The following CCDC33 variants were observed in gnomAD, a reference collection of about 807,000 sequenced individuals.
CCDC33 encodes the protein coiled-coil domain-containing protein 33.
CCDC33 carries 94 observed loss-of-function variants against 91.9 expected under a neutral mutation model. The ratio of observed to expected loss-of-function variants is 1.02; its 90% confidence interval spans 0.87 to 1.21. The LOEUF is 1.21. Among genes scored for constraint, CCDC33 ranks in the 50% most tolerant of loss-of-function variants. The probability of loss-of-function intolerance (pLI) is 0.00; values close to 1 mark genes in which losing one functional copy is unlikely to be tolerated. For missense variants in CCDC33, 940 were observed against 935.5 expected, an observed-to-expected ratio of 1.00 and a Z score of -0.06; for synonymous variants, 396 against 374.5, an observed-to-expected ratio of 1.06 and a Z score of -0.66.
At chr15:74,225,190 G>T (rs1419316338) in intron 2 of CCDC33, among the ~76,000 whole-genome samples, 1 of 151,734 alleles carries the variant, frequency 6.6e-6, no homozygotes, top group East Asian at 1.9e-4. Context: ...TGGAGAGGAA[G>T]GGGTTGCCTG....
At chr15:74,209,433 C>G in exon 2 of CCDC33, 1 of 1,535,622 alleles carries the variant, frequency 6.5e-7, no homozygotes, top group Non-Finnish European at 8.7e-7. Flanking sequence ...ACCAGCTCGG[C>G]TCTTAATAAC....
intron 17 of CCDC33, among the ~76,000 whole-genome samples, chr15:74,334,353 ACCAGGGTCAGGGTTCAGTGTACAT>A (rs977778231): frequency 1.3e-5 from 2 of 149,722 alleles, no homozygotes; most frequent in African/African-American, 2.5e-5. Context: ...TCAGTGTGTG[ACCAGGGTCAGGGTTCAGTGTACAT>A]CCAGGGTCAG....
upstream of CCDC33, among the ~76,000 whole-genome samples, chr15:74,216,752 G>A (rs2074458683): frequency 6.7e-6 from 1 of 149,658 alleles, no homozygotes; most frequent in Non-Finnish European, 1.5e-5. Context: ...TCTTGAGAAA[G>A]AATAGGCATA....
At chr15:74,277,978 A>T (rs999140280) in intron 7 of CCDC33, among the ~76,000 whole-genome samples, 1 of 152,192 alleles carries the variant, frequency 6.6e-6, no homozygotes. Context: ...ACCCTCCTGC[A>T]CCCAGGAGAA....
intron 10 of CCDC33, among the ~76,000 whole-genome samples, chr15:74,294,005 A>T (rs1475817448): frequency 6.6e-6 from 1 of 152,248 alleles, no homozygotes; most frequent in African/African-American, 2.4e-5. Flanking sequence ...AAAGAATTTC[A>T]GTGGTAAAGT....
chr15:74,233,786 G>A (rs181782800), upstream of CCDC33, among the ~76,000 whole-genome samples: 8 of 152,314 alleles, frequency 5.3e-5, 1 homozygote, highest in African/African-American at 1.9e-4. Flanking sequence ...GAATAAGGAT[G>A]GGAACCAAAG....
At chr15:74,222,585 G>GA (rs1311674825) in intron 2 of CCDC33, among the ~76,000 whole-genome samples, 11 of 149,508 alleles carry the variant, frequency 7.4e-5, no homozygotes, top group Admixed American at 2.0e-4. Flanking sequence ...CCCCCAAGGG[G>GA]AAAAAAAGGA....
chr15:74,315,787 C>T (rs1211719271), intron 11 of CCDC33, among the ~76,000 whole-genome samples: 3 of 152,164 alleles, frequency 2.0e-5, no homozygotes, highest in African/African-American at 7.2e-5. Context: ...GGTTCTGAGG[C>T]CACAGGAAGT....
downstream of CCDC33, chr15:74,336,321 C>G (rs758838737): frequency 1.4e-6 from 2 of 1,390,070 alleles, no homozygotes; most frequent in Non-Finnish European, 1.9e-6. Context: ...AGAGAAGAGG[C>G]CTTCCAAAGC....
At chr15:74,326,272 C>A (rs1380242955) in intron 11 of CCDC33, among the ~76,000 whole-genome samples, 1 of 152,214 alleles carries the variant, frequency 6.6e-6, no homozygotes, top group East Asian at 1.9e-4. Flanking sequence ...TTGCAGTGAG[C>A]TATGATCATG....
chr15:74,330,100 G>T lies in CCDC33; in HGVS notation c.1291-89G>T, dbSNP rs2060396093. On this transcript the variant is annotated intron_variant, in intron 11 of 18. Coordinates refer to ENST00000398814, the MANE Select transcript of CCDC33 (RefSeq NM_025055.5). ...TCCTGGTGCTCACTGGCCTTGTGGG[G>T]GACCCACTGACTTTCAAGTGTAGAT... 7 of 1,446,748 alleles carry T rather than the reference G, an allele frequency of 4.8e-6. No homozygotes were observed. The South Asian group carries it at 1.0e-4, about 21-fold the overall frequency. The allele number at this position is 1,446,748 out of a possible 1,614,324, so 89.6% of individuals were successfully genotyped here.
chr15:74,283,948 C>CA (rs1196049128), intron 10 of CCDC33, among the ~76,000 whole-genome samples: 2 of 152,218 alleles, frequency 1.3e-5, no homozygotes, highest in Non-Finnish European at 2.9e-5. Flanking sequence ...CTCTCACATA[C>CA]ATGCAAACTG....
upstream of CCDC33, among the ~76,000 whole-genome samples, chr15:74,233,170 G>T (rs2075037891): frequency 6.6e-6 from 1 of 152,226 alleles, no homozygotes; most frequent in Non-Finnish European, 1.5e-5. Flanking sequence ...CTGGTCCACA[G>T]CAACACCTCC....
chr15:74,253,218 C>T (rs1278893989), intron 2 of CCDC33, among the ~76,000 whole-genome samples: 1 of 152,208 alleles, frequency 6.6e-6, no homozygotes, highest in Non-Finnish European at 1.5e-5. Flanking sequence ...CTGCTTACTC[C>T]TGAGCATGGG....
intron 11 of CCDC33, among the ~76,000 whole-genome samples, chr15:74,308,232 CTCACCACTAGCTTGGTGACTCTA>C (rs1191495626): frequency 6.6e-6 from 1 of 152,144 alleles, no homozygotes; most frequent in African/African-American, 2.4e-5. Context: ...TCCCCCAACC[CTCACCACTAGCTTGGTGACTCTA>C]TCAGGGTGCA....
chr15:74,280,803 T>C lies in CCDC33; in HGVS notation c.1023+2T>C. The C allele has an allele frequency of 1.3e-6, 2 of 1,511,980 alleles. No individual in the cohort carries two copies. The highest frequency in any genetic ancestry group is 1.8e-6 in the Non-Finnish European group (2 of 1,128,738). The allele number at this position is 1,511,980 out of a possible 1,614,324, so 93.7% of individuals were successfully genotyped here. On this transcript the variant is annotated splice_donor_variant, in intron 9 of 18. Coordinates refer to ENST00000398814, the MANE Select transcript of CCDC33 (RefSeq NM_025055.5). LOFTEE classifies it high-confidence loss of function. Reference sequence around the variant, plus strand: ...CACGTGGAGCGGCTCCCCATCATGGTGAGCCCCCTGCCCTGAACTGGGCCC... The same window carrying C: ...CACGTGGAGCGGCTCCCCATCATGGCGAGCCCCCTGCCCTGAACTGGGCCC...
chr15:74,205,991 C>T (rs2074253395), intron 1 of CCDC33, among the ~76,000 whole-genome samples: 1 of 152,206 alleles, frequency 6.6e-6, no homozygotes, highest in Non-Finnish European at 1.5e-5. Context: ...GTTGGGGAGG[C>T]CACCTAGCCG....
intron 11 of CCDC33, among the ~76,000 whole-genome samples, chr15:74,306,470 G>A (rs1006037971): frequency 2.0e-5 from 3 of 152,218 alleles, no homozygotes; most frequent in African/African-American, 7.2e-5. Context: ...TGGTGGAAGG[G>A]AAATGAAATT....
chr15:74,311,148 T>C (rs1039951264), intron 11 of CCDC33, among the ~76,000 whole-genome samples: 1 of 152,104 alleles, frequency 6.6e-6, no homozygotes, highest in African/African-American at 2.4e-5. Flanking sequence ...CCCATCACCC[T>C]GGTCCCTTCC....
Sources: gnomAD v4.1 joint callset for allele counts (sites outside exome capture counted in the v4.1 genomes callset) on GRCh38, gnomAD v4.1.1 for gene constraint, MANE v1.5 for transcripts, NCBI Gene and HGNC (gene_info 2026-07-23, HGNC 2026-07-21) for gene names.